The following STIL variants were observed in gnomAD, a reference collection of about 807,000 sequenced individuals.
STIL encodes the protein SCL-interrupting locus protein.
STIL carries 55 observed loss-of-function variants against 110.1 expected under a neutral mutation model. The observed-to-expected ratio is 0.50, with a 90% confidence interval of 0.40 to 0.63. The LOEUF is 0.63. Among genes scored for constraint, STIL ranks in the 20% least tolerant of loss-of-function variants. The probability of loss-of-function intolerance (pLI) is 0.00; values close to 1 mark genes in which losing one functional copy is unlikely to be tolerated. For synonymous variants in STIL, 481 were observed against 530.0 expected (o/e 0.91, Z 1.27); for missense variants, 1,358 against 1,530.0 (o/e 0.89, Z 1.87).
chr1:47,307,201 A>ACTCAGCC lies in STIL; in HGVS notation c.45-2206_45-2205insGGCTGAG, dbSNP rs1645985011. Among the ~76,000 whole-genome samples the ACTCAGCC allele has an allele frequency of 4.6e-5, 7 of 152,232 alleles. No individual in the cohort carries two copies. In the South Asian group the frequency reaches 1.5e-3, roughly 32 times the overall value. ...CTGGACATGGTGGCACACGCCTGTAATCCCAGTTACTCAGGAGGCTGAGGC... is the reference window on the plus strand; with the variant it reads ...CTGGACATGGTGGCACACGCCTGTAACTCAGCCTCCCAGTTACTCAGGAGGCTGAGGC... On this transcript the variant is annotated intron_variant, in intron 2 of 16. Coordinates refer to ENST00000371877, the MANE Select transcript of STIL (RefSeq NM_001048166.1).
intron 16 of STIL, among the ~76,000 whole-genome samples, chr1:47,253,607 T>C (rs1644247560): frequency 6.6e-6 from 1 of 152,218 alleles, no homozygotes. Context: ...ATGACTGCCT[T>C]ACTCTCTGGG....
At chr1:47,253,021 A>G (rs1039628277) in intron 16 of STIL, among the ~76,000 whole-genome samples, 4 of 151,994 alleles carry the variant, frequency 2.6e-5, no homozygotes, top group African/African-American at 9.7e-5. Flanking sequence ...ACAATTACAG[A>G]CTCAGGCTGC....
At chr1:47,290,160 A>G (rs541159116) in intron 8 of STIL, among the ~76,000 whole-genome samples, 2 of 152,334 alleles carry the variant, frequency 1.3e-5, no homozygotes, top group South Asian at 4.1e-4. Context: ...GAACTCCAAA[A>G]GCATCTGAAG....
intron 7 of STIL, among the ~76,000 whole-genome samples, 175 bp downstream of exon 7, chr1:47,295,590 T>C (rs1475956896): frequency 6.6e-6 from 1 of 151,998 alleles, no homozygotes; most frequent in East Asian, 1.9e-4. Flanking sequence ...AAAAAAAGAT[T>C]GGGTAAAATC....
intron 15 of STIL, among the ~76,000 whole-genome samples, chr1:47,262,531 A>C (rs1260810040): frequency 6.6e-6 from 1 of 152,218 alleles, no homozygotes; most frequent in Non-Finnish European, 1.5e-5. Context: ...CTAAGTATTT[A>C]ATAAACATTG....
chr1:47,267,705 C>T (rs977180993), intron 14 of STIL, among the ~76,000 whole-genome samples: 28 of 53,384 alleles, frequency 5.2e-4, no homozygotes, highest in African/African-American at 1.1e-3. Context: ...CTTTAGAATC[C>T]GTTTTTTGTT....
At chr1:47,311,039 G>C (rs1354079223) in intron 1 of STIL, among the ~76,000 whole-genome samples, 1 of 151,700 alleles carries the variant, frequency 6.6e-6, no homozygotes, top group Non-Finnish European at 1.5e-5. Flanking sequence ...GTAGAGACGG[G>C]GTTTCACCAT....
In STIL at chr1:47,251,684, C is replaced by G; in HGVS notation, c.3319G>C (p.Gly1107Arg). ...TTGTTTGGTGAAATTAAACTAAGCC[C>G]CACTGTGCTTCTGTCTGTATTAATA... Reference protein sequence around the residue: ...LHINTDRSTVGLSLISPNNMS... With the variant: ...LHINTDRSTVRLSLISPNNMS... The change falls in exon 17 of 17, where the codon GGG (glycine) becomes CGG (arginine). Residue 1107 changes from glycine to arginine, a missense_variant. Coordinates refer to ENST00000371877, the MANE Select transcript of STIL (RefSeq NM_001048166.1). The G allele has an allele frequency of 6.2e-7, 1 of 1,614,122 alleles. No homozygotes were observed. Among genetic ancestry groups the G allele is most frequent in the Non-Finnish European group, 8.5e-7 (1 of 1,180,014 alleles).
rs951984813 is a variant in STIL at position 47,314,070 on chromosome 1, G to A, written c.-78C>T. ...CGCGGAGCTGAGGTCTGTTTGCAGG[G>A]TAGGAGCGGGAGCCGGCTCCAAGGA... On this transcript the variant is annotated 5_prime_UTR_variant, in exon 1 of 17. Transcript: ENST00000371877. The A allele has an allele frequency of 2.0e-5, 3 of 152,278 alleles. No individual in the cohort carries two copies. The highest frequency in any genetic ancestry group is 7.2e-5 in the African/African-American group (3 of 41,470). The allele number at this position is 152,278 out of a possible 1,614,324, so 9.4% of individuals were successfully genotyped here. A position where few individuals can be genotyped will look rare whatever the true frequency, so the allele number is the denominator to read the frequency against.
chr1:47,290,652 G>A (rs539481681), intron 8 of STIL, among the ~76,000 whole-genome samples: 13 of 150,020 alleles, frequency 8.7e-5, no homozygotes, highest in Admixed American at 2.0e-4. Context: ...GCAGTGAGCC[G>A]AGATCGCGCC....
At chr1:47,276,481 AATC>A (rs1416436471) in intron 12 of STIL, among the ~76,000 whole-genome samples, 2 of 151,970 alleles carry the variant, frequency 1.3e-5, no homozygotes, top group African/African-American at 4.8e-5. Flanking sequence ...TATAAATAAT[AATC>A]AATTACATAT....
chr1:47,251,636 A>AT lies in STIL; in HGVS notation c.3366dup (p.Tyr1123IlefsTer12). The stretch of plus-strand genomic sequence containing the variant: ...TGTAGGAGTCCATATCTCTTCATAT[A>AT]TTTTTTGGTTGCAAATGACATGTTG... On this transcript the variant is annotated frameshift_variant, in exon 17 of 17. Coordinates refer to ENST00000371877, the MANE Select transcript of STIL (RefSeq NM_001048166.1). LOFTEE classifies it low-confidence loss of function (END_TRUNC). The AT allele has an allele frequency of 1.9e-6, 3 of 1,614,090 alleles. No individual in the cohort carries two copies. The highest frequency in any genetic ancestry group is 1.7e-5 in the Admixed American group (1 of 60,000).
chr1:47,292,614 C>T (rs183396126), intron 8 of STIL, among the ~76,000 whole-genome samples: 1 of 151,974 alleles, frequency 6.6e-6, no homozygotes, highest in Admixed American at 6.6e-5. Context: ...AAAAAAGCAA[C>T]ATAAAGAAAA....
rs1490668118 is a variant in STIL at position 47,281,170 on chromosome 1, C to T, written c.1288G>A (p.Val430Met). ...GATTCTATGAAATTGCCATCCAACACAAGTGAAAGTTCAGGAACTGATGGT... is the reference window on the plus strand; with the variant it reads ...GATTCTATGAAATTGCCATCCAACATAAGTGAAAGTTCAGGAACTGATGGT... The part of the protein sequence containing the change: ...IQPSVPELSL[V>M]LDGNFIESNP... The change falls in exon 12 of 17, where the codon GTG (valine) becomes ATG (methionine). Residue 430 changes from valine (V) to methionine (M), a missense_variant. Transcript: ENST00000371877. 6.2e-6 allele frequency: 10 copies of T among 1,613,490 alleles called. No individual in the cohort carries two copies. Among genetic ancestry groups the T allele is most frequent in the Non-Finnish European group, 8.5e-6 (10 of 1,179,876 alleles).
At chr1:47,295,260 TTATA>T (rs945266330) in intron 7 of STIL, among the ~76,000 whole-genome samples, 1 of 152,028 alleles carries the variant, frequency 6.6e-6, no homozygotes, top group Admixed American at 6.6e-5. Context: ...TTTATCTGTT[TTATA>T]TGTTAGAGTT....
intron 6 of STIL, among the ~76,000 whole-genome samples, chr1:47,299,108 G>A (rs1181327150): frequency 1.3e-5 from 2 of 151,634 alleles, no homozygotes; most frequent in African/African-American, 4.8e-5. Context: ...AGCACTTTGG[G>A]AGGCTGAGGC....
At chr1:47,252,055 GACATCT>G in intron 16 of STIL, 133 bp from the exon 17 acceptor site, 11 of 906,286 alleles carry the variant, frequency 1.2e-5, no homozygotes, top group South Asian at 1.8e-5. Flanking sequence ...TAACTACTCA[GACATCT>G]AAGTCTTGAT....
At chr1:47,268,713 G>C (rs2897238) in intron 14 of STIL, among the ~76,000 whole-genome samples, 1 of 151,658 alleles carries the variant, frequency 6.6e-6, no homozygotes, top group Non-Finnish European at 1.5e-5. Flanking sequence ...AGTCAAGATC[G>C]CACCATTGCA....
At chr1:47,262,146 A>T (rs559715034) in intron 15 of STIL, among the ~76,000 whole-genome samples, 1 of 152,298 alleles carries the variant, frequency 6.6e-6, no homozygotes, top group African/African-American at 2.4e-5. Flanking sequence ...ACAAGCTGCT[A>T]GCACCAGCCT....
Sources: allele counts gnomAD v4.1 joint callset (sites outside exome capture counted in the v4.1 genomes callset), GRCh38; gene constraint gnomAD v4.1.1; transcripts MANE v1.5; gene names NCBI Gene and HGNC (gene_info 2026-07-23, HGNC 2026-07-21).